Variants in CDS1 observed in about 807,000 individuals in gnomAD.
CDS1 encodes the protein CDP-diacylglycerol synthase 1, also known as phosphatidate cytidylyltransferase 1.
Under a neutral mutation model 62.1 loss-of-function variants are expected in CDS1, and 41 were observed. That is an observed-to-expected ratio of 0.66 (90% confidence interval 0.51 to 0.86). The LOEUF (loss-of-function observed/expected upper bound fraction) is 0.86. CDS1 is among the 40% of genes least tolerant of loss of function. The pLI is 0.00. For missense variants in CDS1, 470 were observed against 550.1 expected, an observed-to-expected ratio of 0.85 and a Z score of 1.46; for synonymous variants, 185 against 192.6, an observed-to-expected ratio of 0.96 and a Z score of 0.32.
chr4:84,641,939 A>G (rs1049776131), intron 10 of CDS1, among the ~76,000 whole-genome samples: 3 of 152,220 alleles, frequency 2.0e-5, no homozygotes, highest in South Asian at 2.1e-4. Context: ...AACTTTTTCA[A>G]TGTCCAAGCC....
intron 4 of CDS1, 73 bp downstream of exon 4, chr4:84,617,734 GT>G (rs1248861184): frequency 8.9e-6 from 6 of 673,890 alleles, no homozygotes; most frequent in African/African-American, 1.8e-5. Context: ...GTCTTGATCA[GT>G]CAGTATCCAC....
intron 2 of CDS1, among the ~76,000 whole-genome samples, chr4:84,606,322 G>GTGTGTGTA (rs1723093506): frequency 6.6e-6 from 1 of 151,202 alleles, no homozygotes; most frequent in African/African-American, 2.4e-5. Flanking sequence ...GTGTGTGTGT[G>GTGTGTGTA]TGTGTGTGTA....
At chr4:84,601,252 G>A (rs1233825900) in intron 1 of CDS1, among the ~76,000 whole-genome samples, 5 of 151,966 alleles carry the variant, frequency 3.3e-5, no homozygotes, top group Admixed American at 3.3e-4. Context: ...GAATGTTTTG[G>A]TTAAAGGAGG....
chr4:84,589,288 A>G (rs1722510286), intron 1 of CDS1, among the ~76,000 whole-genome samples: 1 of 152,206 alleles, frequency 6.6e-6, no homozygotes, highest in Non-Finnish European at 1.5e-5. Flanking sequence ...TCCACTATCC[A>G]TTTACTGCCC....
chr4:84,619,769 A>T (rs1234420361), intron 5 of CDS1, among the ~76,000 whole-genome samples: 1 of 151,972 alleles, frequency 6.6e-6, no homozygotes, highest in Non-Finnish European at 1.5e-5. Flanking sequence ...GCGGTGGCTC[A>T]CTCCTGTAAT....
chr4:84,598,176 G>GA (rs1722814316), intron 1 of CDS1, among the ~76,000 whole-genome samples: 1 of 151,158 alleles, frequency 6.6e-6, no homozygotes, highest in Non-Finnish European at 1.5e-5. Context: ...GAAACAGACA[G>GA]AAAATGTTGA....
At chr4:84,612,284 T>C (rs1404626875) in intron 3 of CDS1, among the ~76,000 whole-genome samples, 1 of 151,936 alleles carries the variant, frequency 6.6e-6, no homozygotes. Flanking sequence ...TTTGGGAGAA[T>C]TTATTTGGAA....
chr4:84,651,162 T>C lies in CDS1; in HGVS notation c.*2476T>C, dbSNP rs912013031. On this transcript the variant is annotated 3_prime_UTR_variant, in exon 13 of 13. Coordinates refer to ENST00000295887, the MANE Select transcript of CDS1 (RefSeq NM_001263.4). ...CCTCTTTTTAAAATTATTGTATCTC[T>C]TCCTTTTCACTTTGGTTTGAACAAA... is the stretch of plus-strand genomic sequence containing the variant. The C allele has an allele frequency of 1.3e-5, 2 of 152,200 alleles. No individual in the cohort carries two copies. The highest frequency in any genetic ancestry group is 2.9e-5 in the Non-Finnish European group (2 of 68,018). The allele number at this position is 152,200 out of a possible 1,614,324, so 9.4% of individuals were successfully genotyped here. A position where few individuals can be genotyped will look rare whatever the true frequency, so the allele number is the denominator to read the frequency against.
At chr4:84,600,535 G>A (rs1018251893) in intron 1 of CDS1, among the ~76,000 whole-genome samples, 4 of 152,046 alleles carry the variant, frequency 2.6e-5, no homozygotes, top group African/African-American at 9.7e-5. Flanking sequence ...AAGGTTTTTT[G>A]TTAAAATTGT....
At chr4:84,590,920 C>G (rs768631266) in intron 1 of CDS1, among the ~76,000 whole-genome samples, 3 of 152,120 alleles carry the variant, frequency 2.0e-5, no homozygotes, top group African/African-American at 4.8e-5. Context: ...GCCAACATAG[C>G]AAGTGGCTCG....
At chr4:84,624,968 C>T (rs1250340661) in intron 5 of CDS1, among the ~76,000 whole-genome samples, 1 of 152,016 alleles carries the variant, frequency 6.6e-6, no homozygotes. Flanking sequence ...TCAGGTGATT[C>T]TCATGCCTCA....
intron 3 of CDS1, among the ~76,000 whole-genome samples, chr4:84,614,956 C>T (rs1006546377): frequency 4.0e-4 from 61 of 152,226 alleles, no homozygotes; most frequent in African/African-American, 1.3e-3. Flanking sequence ...AGTCATGGCA[C>T]ATTGTTGTTT....
intron 1 of CDS1, among the ~76,000 whole-genome samples, chr4:84,600,352 C>G (rs1722899078): frequency 6.6e-6 from 1 of 152,014 alleles, no homozygotes. Flanking sequence ...AAAGAAAATT[C>G]TAATTTTGAT....
At chr4:84,631,917 A>G (rs1724033192) in intron 6 of CDS1, 40 bp downstream of exon 6, 17 of 1,443,452 alleles carry the variant, frequency 1.2e-5, no homozygotes, top group Non-Finnish European at 1.6e-5. Context: ...TATCTGTGAT[A>G]AAAACCCTTA....
chr4:84,618,260 G>T (rs1370109240), intron 4 of CDS1, among the ~76,000 whole-genome samples: 99 of 152,162 alleles, frequency 6.5e-4, no homozygotes, highest in Admixed American at 6.5e-3. Context: ...CAGGGAGTCA[G>T]TGTCTTTTTA....
intron 1 of CDS1, among the ~76,000 whole-genome samples, chr4:84,601,823 G>A (rs1227962158): frequency 6.6e-6 from 1 of 152,126 alleles, no homozygotes; most frequent in Non-Finnish European, 1.5e-5. Context: ...TGAGGCAGGA[G>A]AATCGCTGGA....
At chr4:84,590,510 T>G (rs756735749) in intron 1 of CDS1, among the ~76,000 whole-genome samples, 2 of 152,240 alleles carry the variant, frequency 1.3e-5, no homozygotes, top group Non-Finnish European at 2.9e-5. Flanking sequence ...TTTTGAGAGA[T>G]ACTACCATAG....
At position 84,631,923 on chromosome 4, in the gene CDS1, C is replaced by T. The variant is rs1201427684; in HGVS notation, c.639+46C>T. On this transcript the variant is annotated intron_variant, in intron 6 of 12. Transcript: ENST00000295887. ...CTTAGTCATTATCTGTGATAAAAAC[C>T]CTTAACTTTTTTTTTTCTGTAGTGA... 3 of 1,418,816 alleles carry T rather than the reference C, an allele frequency of 2.1e-6. No homozygotes were observed. In the South Asian group the frequency reaches 3.6e-5, roughly 17 times the overall value. The allele number at this position is 1,418,816 out of a possible 1,614,324, so 87.9% of individuals were successfully genotyped here. A position where few individuals can be genotyped will look rare whatever the true frequency, so the allele number is the denominator to read the frequency against.
At chr4:84,638,649 C>G (rs770526528) in intron 8 of CDS1, among the ~76,000 whole-genome samples, 2 of 151,940 alleles carry the variant, frequency 1.3e-5, no homozygotes, top group Non-Finnish European at 2.9e-5. Context: ...TTTTGAGAGA[C>G]AGAACAAATT....
Sources: gnomAD v4.1 joint callset for allele counts (sites outside exome capture counted in the v4.1 genomes callset) on GRCh38, gnomAD v4.1.1 for gene constraint, MANE v1.5 for transcripts, NCBI Gene and HGNC (gene_info 2026-07-23, HGNC 2026-07-21) for gene names.